TMEM74: variants seen among roughly 807,000 people sequenced by gnomAD.
The protein encoded by TMEM74 is transmembrane protein 74.
A neutral mutation model predicts 18.1 loss-of-function variants in TMEM74; 13 were observed. The observed-to-expected ratio is 0.72, with a 90% CI of 0.47 to 1.14. The LOEUF is 1.14. TMEM74 is among the 50% of genes most tolerant of loss of function. The pLI is 0.00. For missense variants in TMEM74, 372 were observed against 375.9 expected (o/e 0.99, Z 0.09); for synonymous variants, 159 against 146.6 (o/e 1.08, Z -0.61).
At chr8:108,709,851 C>T (rs1018680837) in intron 1 of TMEM74, among the ~76,000 whole-genome samples, 4 of 152,006 alleles carry the variant, frequency 2.6e-5, no homozygotes, top group African/African-American at 7.3e-5. Flanking sequence ...ATTAAATATA[C>T]GTAGTTCTTT....
At chr8:108,755,136 A>C (rs952377672) in intron 1 of TMEM74, among the ~76,000 whole-genome samples, 1 of 152,114 alleles carries the variant, frequency 6.6e-6, no homozygotes, top group Admixed American at 6.6e-5. Context: ...ATTACATAGC[A>C]AGAAACTGCA....
At position 108,743,125 on chromosome 8, in the gene TMEM74, T is replaced by C. The variant is rs554111032; in HGVS notation, n.119+44351A>G. Among the ~76,000 whole-genome samples the C allele has an allele frequency of 4.6e-5, 7 of 152,338 alleles. No individual in the cohort carries two copies. In the East Asian group the frequency reaches 1.4e-3, roughly 29 times the overall value. ...TAAGCAGAAAATGTTAAATGATCTA[T>C]GTCTCTTGTTACAGGCTAAGCCTCA... On this transcript the variant is annotated intron_variant and non_coding_transcript_variant, in intron 1 of 3. Coordinates refer to the TMEM74 transcript ENST00000518838.
At chr8:108,690,319 T>C (rs1813212470) in intron 1 of TMEM74, among the ~76,000 whole-genome samples, 1 of 152,132 alleles carries the variant, frequency 6.6e-6, no homozygotes, top group Non-Finnish European at 1.5e-5. Flanking sequence ...AATTTATCAC[T>C]AAAGTAATAC....
chr8:108,757,239 C>T (rs1267962707), intron 1 of TMEM74, among the ~76,000 whole-genome samples: 2 of 151,860 alleles, frequency 1.3e-5, no homozygotes, highest in African/African-American at 4.8e-5. Context: ...AACAGTAATG[C>T]TAGATTAGGA....
rs972771939 is a variant in TMEM74, at chr8:108,781,634, G to T, written c.*2547C>A. Among the ~76,000 whole-genome samples, 1 of 152,128 alleles carries T rather than the reference G, an allele frequency of 6.6e-6. No homozygotes were observed. Among genetic ancestry groups the T allele is most frequent in the African/African-American group, 2.4e-5 (1 of 41,414 alleles). ...AGATAAGTAGAACCTTAAAAGAGAG[G>T]TGCTCTATATGTTAGCAGATTTAAA... On this transcript the variant is annotated 3_prime_UTR_variant, in exon 2 of 2. Coordinates refer to ENST00000297459, the MANE Select transcript of TMEM74 (RefSeq NM_153015.3).
At chr8:108,747,080 C>T (rs572049447) in intron 1 of TMEM74, among the ~76,000 whole-genome samples, 2 of 152,228 alleles carry the variant, frequency 1.3e-5, no homozygotes, top group East Asian at 3.9e-4. Context: ...CAGTCAGGAG[C>T]ACATGTCACA....
chr8:108,756,596 G>GGAAGGAAGGA (rs1554577362), intron 1 of TMEM74, among the ~76,000 whole-genome samples: 4 of 53,284 alleles, frequency 7.5e-5, no homozygotes, highest in African/African-American at 3.1e-4. Flanking sequence ...AAGAAAGAAA[G>GGAAGGAAGGA]AGAAAGGAAG....
chr8:108,751,228 C>T (rs779630114), intron 1 of TMEM74, among the ~76,000 whole-genome samples: 5 of 152,158 alleles, frequency 3.3e-5, no homozygotes, highest in African/African-American at 9.6e-5. Flanking sequence ...AAGATTCTTT[C>T]GGGTTAAAAT....
At chr8:108,759,907 A>G (rs1005496738) in intron 1 of TMEM74, among the ~76,000 whole-genome samples, 1 of 152,090 alleles carries the variant, frequency 6.6e-6, no homozygotes, top group South Asian at 2.1e-4. Flanking sequence ...AATATGCATG[A>G]TGTAAAGCAT....
intron 1 of TMEM74, among the ~76,000 whole-genome samples, chr8:108,765,897 T>C (rs1814101425): frequency 1.4e-5 from 2 of 147,976 alleles, no homozygotes; most frequent in South Asian, 2.1e-4. Context: ...ATTTTTCTTA[T>C]TGGGGGAGGC....
At chr8:108,703,391 C>A (rs76308449) in intron 1 of TMEM74, among the ~76,000 whole-genome samples, 5,134 of 152,200 alleles carry the variant, frequency 0.034, 294 homozygotes, top group African/African-American at 0.12. Context: ...ACTGTTGTAT[C>A]TAAAGGCATA....
Position 108,784,761 on chromosome 8 carries a change from T to C in TMEM74, c.338A>G (p.Tyr113Cys). 1.2e-6 allele frequency: 2 copies of C among 1,614,200 alleles called. No individual in the cohort carries two copies. The highest frequency in any genetic ancestry group is 1.3e-5 in the African/African-American group (1 of 75,042). ...CTCCAAGTTGATGTTTTTGTCCACA[T>C]AGGTAAAAGAAGTTTCTAATTCCTG... is the stretch of plus-strand genomic sequence containing the variant. ...CSQELETSFT[Y>C]VDKNINLEQR... is the part of the protein sequence containing the mutation. The change falls in exon 2 of 2, where the codon TAT becomes TGT. Residue 113 changes from tyrosine (Y) to cysteine (C), a missense_variant. Physicochemically the swap from Tyr to Cys is radical, Grantham distance 194. Transcript: ENST00000297459.
chr8:108,666,510 G>T (rs1038739495), intron 1 of TMEM74, among the ~76,000 whole-genome samples: 3 of 152,184 alleles, frequency 2.0e-5, no homozygotes, highest in Non-Finnish European at 4.4e-5. Flanking sequence ...AAAATGCTTT[G>T]TCCCAGCTTA....
chr8:108,625,079 G>C (rs973433250), intron 2 of TMEM74, among the ~76,000 whole-genome samples: 6 of 151,994 alleles, frequency 3.9e-5, no homozygotes, highest in African/African-American at 1.4e-4. Context: ...GAGAGAGGTG[G>C]AGGGTGAGAG....
At chr8:108,767,389 G>A (rs1478687683) in intron 1 of TMEM74, among the ~76,000 whole-genome samples, 5 of 152,114 alleles carry the variant, frequency 3.3e-5, no homozygotes, top group Non-Finnish European at 4.4e-5. Flanking sequence ...TACTTGAGCC[G>A]TGGTATCTTA....
At chr8:108,610,636 C>G (rs1404797828) in intron 2 of TMEM74, among the ~76,000 whole-genome samples, 1 of 152,056 alleles carries the variant, frequency 6.6e-6, no homozygotes, top group Admixed American at 6.6e-5. Context: ...ACAGGAATGC[C>G]TTAGAAAAAA....
chr8:108,640,004 T>C, intron 2 of TMEM74, among the ~76,000 whole-genome samples: 1 of 152,062 alleles, frequency 6.6e-6, no homozygotes, highest in East Asian at 1.9e-4. Context: ...GGGAAAGAAG[T>C]AGTACTTTGT....
intron 1 of TMEM74, among the ~76,000 whole-genome samples, chr8:108,703,277 G>A (rs1215796792): frequency 6.6e-6 from 1 of 152,132 alleles, no homozygotes; most frequent in Non-Finnish European, 1.5e-5. Context: ...CAGTATTAGA[G>A]ATTCACTTTT....
At chr8:108,768,956 AT>A (rs1814141070) in intron 1 of TMEM74, among the ~76,000 whole-genome samples, 1 of 152,080 alleles carries the variant, frequency 6.6e-6, no homozygotes, top group Non-Finnish European at 1.5e-5. Context: ...GTTTGAAGAT[AT>A]TGAGAGAAAA....
Sources: gnomAD v4.1 joint callset for allele counts (sites outside exome capture counted in the v4.1 genomes callset) on GRCh38, gnomAD v4.1.1 for gene constraint, MANE v1.5 for transcripts, NCBI Gene and HGNC (gene_info 2026-07-23, HGNC 2026-07-21) for gene names.